The following CSPG4 variants were observed in gnomAD, a reference collection of about 807,000 sequenced individuals.
The protein encoded by CSPG4 is chondroitin sulfate proteoglycan 4 (melanoma-associated).
A neutral mutation model predicts 139.3 loss-of-function variants in CSPG4; 74 were observed. The ratio of observed to expected loss-of-function variants is 0.53; its 90% CI spans 0.44 to 0.64. The LOEUF is 0.64. CSPG4 is among the 30% of genes least tolerant of loss of function. The pLI is 0.00. For synonymous variants in CSPG4, 1,234 were observed against 1,394.2 expected, an observed-to-expected ratio of 0.89 and a Z score of 2.56; for missense variants, 2,565 against 3,148.3, an observed-to-expected ratio of 0.81 and a Z score of 4.43.
rs543406377 is a variant in CSPG4, at chr15:75,689,004, C to T, written c.2061G>A (p.Ser687=). Reference sequence around the variant, plus strand: ...CCTGCCCCACGGCATTGGTCTCCACCGACAGGTTGGCGGGCAAGATGGGCA... The same window carrying T: ...CCTGCCCCACGGCATTGGTCTCCACTGACAGGTTGGCGGGCAAGATGGGCA... ...SAMPILPANL[S]VETNAVGQDV... The change falls in exon 3 of 10, where the codon TCG becomes TCA. Residue 687 remains serine (S), a synonymous_variant. Transcript: ENST00000308508. The T allele has an allele frequency of 6.9e-4, 1,108 of 1,612,300 alleles. 17 individuals are homozygous for T. The South Asian group carries it at 0.011, about 16-fold the overall frequency.
intron 5 of CSPG4, among the ~76,000 whole-genome samples, 166 bp from the exon 6 acceptor site, chr15:75,683,207 C>T (rs1452571422): frequency 6.6e-6 from 1 of 152,198 alleles, no homozygotes; most frequent in African/African-American, 2.4e-5. Context: ...CTCCCGCATT[C>T]ACCTTCCCTG....
At chr15:75,684,713 G>A (rs532754801) in intron 5 of CSPG4, 23 bp downstream of exon 5, 8 of 1,600,656 alleles carry the variant, frequency 5.0e-6, no homozygotes, top group Non-Finnish European at 6.0e-6. Context: ...CAGACATGGG[G>A]GTGTTCCCAG....
rs1409808912 is a variant in CSPG4 at position 75,688,673 on chromosome 15, G to A, written c.2392C>T (p.Gln798Ter). 1 of 1,612,072 alleles carries A rather than the reference G, an allele frequency of 6.2e-7. No individual in the cohort carries two copies. The highest frequency in any genetic ancestry group is 1.3e-5 in the African/African-American group (1 of 74,920). The change falls in exon 3 of 10, where the codon CAG (glutamine) becomes TAG (stop). Residue 798 changes from glutamine to a stop codon, truncating the protein, a stop_gained. Transcript: ENST00000308508. LOFTEE classifies it high-confidence loss of function. ...TGGGCTGTGGTGAGGGTCTCCTGCT[G>A]GGTGTTCTGAGTGTGCAGTGGCTCC... ...RLEPLHTQNTQQETLTTAHLE... is the reference protein window; with the variant it reads ...RLEPLHTQNT
intron 1 of CSPG4, among the ~76,000 whole-genome samples, chr15:75,699,440 C>T (rs922049707): frequency 6.6e-6 from 1 of 152,270 alleles, no homozygotes; most frequent in African/African-American, 2.4e-5. Context: ...CAGCTACCAT[C>T]CTCTAACCAA....
At chr15:75,694,008 CTAT>C (rs1293634040) in intron 1 of CSPG4, among the ~76,000 whole-genome samples, 1 of 152,258 alleles carries the variant, frequency 6.6e-6, no homozygotes, top group East Asian at 1.9e-4. Context: ...TGCTGGAGAG[CTAT>C]TCACAGTCCC....
rs200536037 is a variant in CSPG4 at position 75,688,820 on chromosome 15, G to C, written c.2245C>G (p.Gln749Glu). ...GRVRYLSTDP[Q>E]HHAYDTVENL... ...TCCACGGTGTCGTAAGCGTGGTGCT[G>C]TGGGTCAGTGCTCAGGTACCTCACG... The change falls in exon 3 of 10, where the codon CAG (glutamine) becomes GAG (glutamate). Residue 749 changes from glutamine to glutamate, a missense_variant. Gln to Glu is a conservative substitution (Grantham distance 29). Around this residue, in one of 5 missense-constraint regions of CSPG4, gnomAD observed 2,316 missense variants for 2,818.2 expected, o/e 0.82. Coordinates refer to ENST00000308508, the MANE Select transcript of CSPG4 (RefSeq NM_001897.5). The C allele has an allele frequency of 1.2e-6, 2 of 1,612,884 alleles. No individual in the cohort carries two copies. The highest frequency in any genetic ancestry group is 3.3e-5 in the Admixed American group (2 of 60,024).
At chr15:75,686,530 C>A (rs895589078) in intron 3 of CSPG4, among the ~76,000 whole-genome samples, 1 of 151,292 alleles carries the variant, frequency 6.6e-6, no homozygotes, top group Non-Finnish European at 1.5e-5. Flanking sequence ...CTGTTCTATG[C>A]ATTTGCCCGG....
chr15:75,677,662 T>C (rs1596005456), intron 9 of CSPG4, 41 bp downstream of exon 9: 1 of 1,553,340 alleles, frequency 6.4e-7, no homozygotes, highest in Non-Finnish European at 8.7e-7. Context: ...CCTCTCCCAT[T>C]GTCCCTCCCC....
Position 75,685,721 on chromosome 15 carries a change from A to G in CSPG4, c.3790-20T>C. On this transcript the variant is annotated intron_variant, in intron 3 of 9. Transcript: ENST00000308508. The stretch of plus-strand genomic sequence containing the variant: ...GGCTGCCTGGTTAACAGAGGTCACA[A>G]GGACTCACAGGGGGCCACAGAGGGG... 6.4e-7 allele frequency: 1 copy of G among 1,567,500 alleles called. No homozygotes were observed. The highest frequency in any genetic ancestry group is 8.6e-7 in the Non-Finnish European group (1 of 1,160,644).
chr15:75,710,096 T>G (rs1894428294), intron 1 of CSPG4, among the ~76,000 whole-genome samples: 1 of 152,072 alleles, frequency 6.6e-6, no homozygotes, highest in Non-Finnish European at 1.5e-5. Flanking sequence ...CCTGTGGCCC[T>G]GCTCACTAAG....
Position 75,676,406 on chromosome 15 carries a change from A to G in CSPG4, c.6113T>C (p.Val2038Ala). ...ALARGVNASA[V>A]VNVTVRALLH... ...CAGAGCCCTCACAGTGACGTTCACTACGGCTGATGCATTGACACCCCTAGC... is the reference window on the plus strand; with the variant it reads ...CAGAGCCCTCACAGTGACGTTCACTGCGGCTGATGCATTGACACCCCTAGC... The change falls in exon 10 of 10, where the codon GTA (valine) becomes GCA (alanine). Residue 2038 changes from valine to alanine, a missense_variant. Val to Ala is a moderately conservative substitution (Grantham distance 64). Around this residue, in one of 5 missense-constraint regions of CSPG4, gnomAD observed 2,316 missense variants for 2,818.2 expected, o/e 0.82. Coordinates refer to ENST00000308508, the MANE Select transcript of CSPG4 (RefSeq NM_001897.5). The G allele has an allele frequency of 6.2e-7, 1 of 1,613,686 alleles. No homozygotes were observed. The highest frequency in any genetic ancestry group is 1.1e-5 in the South Asian group (1 of 91,090).
rs371620599 is a variant in CSPG4 at position 75,675,512 on chromosome 15, G to T, written c.*38C>A. On this transcript the variant is annotated 3_prime_UTR_variant, in exon 10 of 10. Transcript: ENST00000308508. ...TGGGGCCCGGGACATGGGCAAGCCT[G>T]TCCCTGGCCCGATCAGCATCTGGGC... The T allele has an allele frequency of 4.9e-5, 71 of 1,463,212 alleles. No individual in the cohort carries two copies. The highest frequency in any genetic ancestry group is 6.3e-5 in the Non-Finnish European group (70 of 1,106,398). 90.6% of individuals were successfully genotyped at this position (1,463,212 alleles called of 1,614,324 possible).
In CSPG4 at chr15:75,689,404, T is replaced by G; in HGVS notation, c.1661A>C (p.His554Pro). ...GAGGCTGCCATGTGGGAAGATGATG[T>G]GGGGTGGGTCATTGACAGGGTTGAC... ...IQVNPVNDPP[H>P]IIFPHGSLMV... Residue 554 changes from histidine (H) to proline (P), a missense_variant, in exon 3 of 10, where the codon CAC becomes CCC. His to Pro is a moderately conservative substitution (Grantham distance 77). Transcript: ENST00000308508. The G allele has an allele frequency of 1.2e-6, 2 of 1,612,492 alleles. No homozygotes were observed. Among genetic ancestry groups the G allele is most frequent in the Non-Finnish European group, 1.7e-6 (2 of 1,179,786 alleles).
Position 75,675,556 on chromosome 15 carries a change from C to G in CSPG4, c.6963G>C (p.Trp2321Cys). 1.3e-6 allele frequency: 2 copies of G among 1,500,568 alleles called. No homozygotes were observed. Among genetic ancestry groups the G allele is most frequent in the Non-Finnish European group, 1.8e-6 (2 of 1,124,354 alleles). 93.0% of individuals were successfully genotyped at this position (1,500,568 alleles called of 1,614,324 possible). A position where few individuals can be genotyped will look rare whatever the true frequency, so the allele number is the denominator to read the frequency against. ...TCTGGGCCCAGGCCAGGCCTCACAC[C>G]CAGTACTGGCCATTCTTAAGGGCAG... ...PNPALKNGQYWV is the reference protein window; with the variant it reads ...PNPALKNGQYCV The change falls in exon 10 of 10, where the codon TGG becomes TGC. Residue 2321 changes from tryptophan (W) to cysteine (C), a missense_variant. This residue lies in a region of CSPG4 where 2,316 missense variants were observed against 2,818.2 expected (regional missense o/e 0.82). Coordinates refer to ENST00000308508, the MANE Select transcript of CSPG4 (RefSeq NM_001897.5).
chr15:75,681,143 T>C (rs946534351), intron 8 of CSPG4, among the ~76,000 whole-genome samples: 1 of 152,126 alleles, frequency 6.6e-6, no homozygotes, highest in Non-Finnish European at 1.5e-5. Flanking sequence ...GAGGGGGCCA[T>C]AGCAGGAGTG....
chr15:75,690,770 G>T lies in CSPG4; in HGVS notation c.295C>A (p.Pro99Thr). 6.2e-7 allele frequency: 1 copy of T among 1,612,908 alleles called. No individual in the cohort carries two copies. Among genetic ancestry groups the T allele is most frequent in the South Asian group, 1.1e-5 (1 of 91,066 alleles). The part of the protein sequence containing the change: ...LGQEELRLQT[P>T]AETLLSDSIP... ...GAGTCACTCAGCAGCGTCTCTGCTGGAGTCTGCAGCCTCAGCTCCTCCTGG... is the reference window on the plus strand; with the variant it reads ...GAGTCACTCAGCAGCGTCTCTGCTGTAGTCTGCAGCCTCAGCTCCTCCTGG... Residue 99 changes from proline to threonine, a missense_variant, in exon 3 of 10, where the codon CCA becomes ACA. By Grantham distance (38) the Pro-to-Thr change is conservative. Coordinates refer to ENST00000308508, the MANE Select transcript of CSPG4 (RefSeq NM_001897.5).
intron 1 of CSPG4, among the ~76,000 whole-genome samples, chr15:75,708,809 T>C (rs1423767129): frequency 1.3e-5 from 2 of 152,232 alleles, no homozygotes; most frequent in East Asian, 1.9e-4. Context: ...GGAGGCTTGC[T>C]TGAGCCCAGG....
rs570616051 is a variant in CSPG4 at position 75,698,018 on chromosome 15, C to T, written c.89-4785G>A. On this transcript the variant is annotated intron_variant, in intron 1 of 9. Coordinates refer to ENST00000308508, the MANE Select transcript of CSPG4 (RefSeq NM_001897.5). This position sits in a 1 kb window ranked among gnomAD's most constrained non-coding sequence, Gnocchi z 4.3. Reference sequence around the variant, plus strand: ...ACAGACCAAGGCCTGAGGAAGGAGACGGAGGAGGAAAACTCGAGGGAGACA... The same window carrying T: ...ACAGACCAAGGCCTGAGGAAGGAGATGGAGGAGGAAAACTCGAGGGAGACA... 2.0e-4 allele frequency among the ~76,000 whole-genome samples: 31 copies of T among 152,208 alleles called. No individual in the cohort carries two copies. The highest frequency in any genetic ancestry group is 3.4e-3 in the Middle Eastern group (1 of 294).
intron 1 of CSPG4, among the ~76,000 whole-genome samples, chr15:75,706,069 C>G (rs1255895450): frequency 6.6e-6 from 1 of 152,144 alleles, no homozygotes; most frequent in African/African-American, 2.4e-5. Flanking sequence ...GAGAGCTGGT[C>G]TGGCCCCAGC....
Sources: allele counts gnomAD v4.1 joint callset (sites outside exome capture counted in the v4.1 genomes callset), GRCh38; gene constraint gnomAD v4.1.1; regional missense constraint gnomAD v4.1.1; non-coding constraint Gnocchi (gnomAD v3.1); transcripts MANE v1.5; gene names NCBI Gene and HGNC (gene_info 2026-07-23, HGNC 2026-07-21).